Variants in OTOGL observed in about 807,000 individuals in gnomAD.
OTOGL encodes otogelin like, also known as otogelin-like protein.
In OTOGL, 285 loss-of-function variants were observed where a neutral mutation model predicts 318.5. The ratio of observed to expected loss-of-function variants is 0.89; its 90% confidence interval spans 0.81 to 0.99. The LOEUF (loss-of-function observed/expected upper bound fraction) is 0.99. Ranked by LOEUF, OTOGL falls within the 50% of genes least tolerant of loss-of-function variation. The pLI is 0.00. For synonymous variants in OTOGL, 987 were observed against 936.5 expected, an observed-to-expected ratio of 1.05 and a Z score of -0.99; for missense variants, 2,899 against 2,845.6, an observed-to-expected ratio of 1.02 and a Z score of -0.43.
At chr12:80,155,492 G>A (rs1417260785) in intron 1 of OTOGL, among the ~76,000 whole-genome samples, 4 of 152,090 alleles carry the variant, frequency 2.6e-5, no homozygotes, top group African/African-American at 7.2e-5. Flanking sequence ...GGTACATGGT[G>A]TATATATTAC....
chr12:80,266,727 C>CT (rs917622900), intron 21 of OTOGL, 111 bp downstream of exon 21: 10,540 of 908,740 alleles, frequency 0.012, no homozygotes, highest in South Asian at 0.014. Flanking sequence ...ATTGTCTTTA[C>CT]TTTTTTTTTT....
intron 35 of OTOGL, among the ~76,000 whole-genome samples, chr12:80,324,632 G>A (rs1415458233): frequency 6.6e-6 from 1 of 152,164 alleles, no homozygotes; most frequent in African/African-American, 2.4e-5. Context: ...TTGGAGGAGA[G>A]GAGGACAGGG....
chr12:80,313,309 T>C (rs913164148), intron 30 of OTOGL, among the ~76,000 whole-genome samples, 167 bp from the exon 31 acceptor site: 2 of 152,210 alleles, frequency 1.3e-5, no homozygotes, highest in African/African-American at 4.8e-5. Flanking sequence ...CTAATACATT[T>C]CTTTCTCCTT....
chr12:80,339,296 C>CTTTTTT, intron 43 of OTOGL, 32 bp downstream of exon 43: 20 of 434,154 alleles, frequency 4.6e-5, no homozygotes, highest in Admixed American at 1.1e-4. Flanking sequence ...TTGATTTCGT[C>CTTTTTT]TGTTTTTTTT....
intron 5 of OTOGL, 56 bp from the exon 6 acceptor site, chr12:80,219,758 G>A: frequency 9.0e-7 from 1 of 1,116,720 alleles, no homozygotes; most frequent in Non-Finnish European, 1.3e-6. Context: ...GACATATTAT[G>A]CTTAAAAGAA....
At chr12:80,237,230 A>G (rs1189813815) in intron 9 of OTOGL, among the ~76,000 whole-genome samples, 3 of 152,214 alleles carry the variant, frequency 2.0e-5, no homozygotes, top group Admixed American at 1.3e-4. Flanking sequence ...CAGATACTAC[A>G]CTAGGGATAC....
intron 35 of OTOGL, among the ~76,000 whole-genome samples, chr12:80,327,884 G>C (rs946245494): frequency 6.8e-6 from 1 of 147,604 alleles, no homozygotes; most frequent in African/African-American, 2.5e-5. Flanking sequence ...GCATGAATCC[G>C]GGAGGCGGAG....
intron 1 of OTOGL, among the ~76,000 whole-genome samples, chr12:80,193,544 G>C (rs963412960): frequency 6.6e-6 from 1 of 151,558 alleles, no homozygotes; most frequent in African/African-American, 2.4e-5. Context: ...ATAATAATAA[G>C]GTTAGCATAT....
chr12:80,341,359 A>G (rs1268585477), intron 43 of OTOGL, among the ~76,000 whole-genome samples: 2 of 152,184 alleles, frequency 1.3e-5, no homozygotes, highest in African/African-American at 4.8e-5. Context: ...TCATGTGCCT[A>G]GGTGACTGCT....
Position 80,150,124 on chromosome 12 carries a change from A to G in OTOGL, c.-20+50519A>G, listed in dbSNP as rs931536711. ...GTGCAAACCAAAAAAATGAATGCCA[A>G]TAATTATAGAAAGGACTTTGCTCTC... On this transcript the variant is annotated intron_variant, in intron 1 of 58. Transcript: ENST00000547103. Among the ~76,000 whole-genome samples the G allele has an allele frequency of 5.3e-5, 8 of 152,222 alleles. No homozygotes were observed. The South Asian group carries it at 6.2e-4, about 12-fold the overall frequency.
Position 80,323,821 on chromosome 12 carries a change from G to A in OTOGL, c.4180G>A (p.Ala1394Thr), listed in dbSNP as rs548645970. The A allele has an allele frequency of 2.0e-5, 32 of 1,611,998 alleles. No homozygotes were observed. Among genetic ancestry groups the A allele is most frequent in the Admixed American group, 5.0e-5 (3 of 60,000 alleles). Reference protein sequence around the residue: ...FKTCSDPEALACKFLPPVEGC... With the variant: ...FKTCSDPEALTCKFLPPVEGC... ...AACATGTAGTGACCCTGAAGCACTA[G>A]CATGTAAATTTCTTCCACCGTAAGT... is the stretch of plus-strand genomic sequence containing the variant. Residue 1394 changes from alanine (A) to threonine (T), a missense_variant, in exon 35 of 59, where the codon GCA (alanine) becomes ACA (threonine). By Grantham distance (58) the Ala-to-Thr change is moderately conservative. Transcript: ENST00000547103.
At chr12:80,337,404 C>T (rs1323124588) in intron 42 of OTOGL, among the ~76,000 whole-genome samples, 2 of 151,920 alleles carry the variant, frequency 1.3e-5, no homozygotes, top group Admixed American at 6.6e-5. Flanking sequence ...AAGAGAAGAA[C>T]AGATAGAAGG....
chr12:80,308,101 C>G (rs1461085053), intron 29 of OTOGL, among the ~76,000 whole-genome samples: 2 of 139,720 alleles, frequency 1.4e-5, no homozygotes, highest in African/African-American at 2.8e-5. Context: ...GGGGGCTGAC[C>G]CCCCCACCTC....
chr12:80,206,231 C>G (rs1465933598), intron 1 of OTOGL, among the ~76,000 whole-genome samples: 1 of 152,154 alleles, frequency 6.6e-6, no homozygotes, highest in Non-Finnish European at 1.5e-5. Flanking sequence ...TGAGTCTAAT[C>G]TTTCATCTAA....
intron 1 of OTOGL, among the ~76,000 whole-genome samples, chr12:80,142,382 CTTTGA>C (rs1404824193): frequency 6.6e-6 from 1 of 152,192 alleles, no homozygotes; most frequent in East Asian, 1.9e-4. Flanking sequence ...ATCTGGAGTC[CTTTGA>C]AGAAACATAG....
chr12:80,289,114 C>G (rs1244153357), intron 26 of OTOGL, among the ~76,000 whole-genome samples: 1 of 152,142 alleles, frequency 6.6e-6, no homozygotes, highest in Non-Finnish European at 1.5e-5. Context: ...GATGTTATCA[C>G]TTTCTTTTTG....
At chr12:80,250,275 T>C (rs538396090) in intron 11 of OTOGL, among the ~76,000 whole-genome samples, 1 of 152,316 alleles carries the variant, frequency 6.6e-6, no homozygotes, top group African/African-American at 2.4e-5. Flanking sequence ...TTCCCCTTAG[T>C]AAATTATAAT....
chr12:80,296,477 C>G (rs1388722835), intron 26 of OTOGL, among the ~76,000 whole-genome samples: 1 of 152,054 alleles, frequency 6.6e-6, no homozygotes, highest in African/African-American at 2.4e-5. Context: ...AGACATATCT[C>G]AAATGAATAT....
At chr12:80,192,106 G>A (rs1013250825) in intron 1 of OTOGL, among the ~76,000 whole-genome samples, 4 of 152,106 alleles carry the variant, frequency 2.6e-5, no homozygotes, top group African/African-American at 2.4e-5. Flanking sequence ...TCCCTGACTT[G>A]TGTAACTTCC....
Sources: allele counts gnomAD v4.1 joint callset (sites outside exome capture counted in the v4.1 genomes callset), GRCh38; gene constraint gnomAD v4.1.1; transcripts MANE v1.5; gene names NCBI Gene and HGNC (gene_info 2026-07-23, HGNC 2026-07-21).